RPSA2: variants seen among roughly 807,000 people sequenced by gnomAD.
The protein encoded by RPSA2 is ribosomal protein SA 2, also known as small ribosomal subunit protein uS2B.
At chr19:23,838,182 C>G in the RPSA2 span, among the ~76,000 whole-genome samples, 1 of 152,058 alleles carries the variant, frequency 6.6e-6, no homozygotes, top group South Asian at 2.1e-4. Context: ...AATGTTTTTT[C>G]TGCATCTATT....
At chr19:23,784,374 C>G in the RPSA2 span, among the ~76,000 whole-genome samples, 3 of 152,230 alleles carry the variant, frequency 2.0e-5, no homozygotes, top group African/African-American at 4.8e-5. Flanking sequence ...TCCTGAATCT[C>G]ACATGAATGC....
At chr19:23,813,623 G>A in the RPSA2 span, among the ~76,000 whole-genome samples, 148,675 of 152,006 alleles carry the variant, frequency 0.98, 72,803 homozygotes, top group Middle Eastern at 1. Flanking sequence ...ATTAATAAAT[G>A]GAATTGCTGT....
the RPSA2 span, among the ~76,000 whole-genome samples, chr19:23,828,891 C>T: frequency 5.3e-5 from 8 of 150,858 alleles, no homozygotes; most frequent in African/African-American, 1.7e-4. Flanking sequence ...TGTGTTTCTT[C>T]CATTCTGTCA....
the RPSA2 span, among the ~76,000 whole-genome samples, chr19:23,828,855 T>A: frequency 6.6e-6 from 1 of 152,096 alleles, no homozygotes; most frequent in South Asian, 2.1e-4. Context: ...TATTAAAATA[T>A]ATTGTTCTAA....
the RPSA2 span, among the ~76,000 whole-genome samples, chr19:23,845,784 C>G: frequency 6.6e-6 from 1 of 152,190 alleles, no homozygotes; most frequent in Admixed American, 6.5e-5. Flanking sequence ...GAGCCACCAC[C>G]TCTGGCTGGC....
At chr19:23,804,836 ACT>A in the RPSA2 span, among the ~76,000 whole-genome samples, 2 of 152,066 alleles carry the variant, frequency 1.3e-5, no homozygotes, top group South Asian at 4.2e-4. Flanking sequence ...AATTTGCAGA[ACT>A]CTCTTGTGCC....
chr19:23,841,029 A>T, the RPSA2 span, among the ~76,000 whole-genome samples: 1 of 150,370 alleles, frequency 6.7e-6, no homozygotes, highest in Non-Finnish European at 1.5e-5. Flanking sequence ...TTTACATAAA[A>T]CATGTTTTTT....
chr19:23,778,205 C>A, the RPSA2 span, among the ~76,000 whole-genome samples: 1 of 152,028 alleles, frequency 6.6e-6, no homozygotes, highest in African/African-American at 2.4e-5. Flanking sequence ...ATGTGACTTT[C>A]CTTTGTGGGT....
the RPSA2 span, among the ~76,000 whole-genome samples, chr19:23,829,556 C>T: frequency 6.6e-6 from 1 of 152,214 alleles, no homozygotes; most frequent in African/African-American, 2.4e-5. Flanking sequence ...CCGCCTCGGC[C>T]TCCCAAAGTG....
the RPSA2 span, chr19:23,827,813 G>A: frequency 6.4e-7 from 1 of 1,573,688 alleles, no homozygotes; most frequent in Non-Finnish European, 8.6e-7. Context: ...GCAGGCTGCT[G>A]CTGAGAAGGC....
the RPSA2 span, among the ~76,000 whole-genome samples, chr19:23,778,553 C>T: frequency 3.3e-5 from 5 of 152,064 alleles, no homozygotes; most frequent in African/African-American, 7.2e-5. Context: ...TAGTAGAGAT[C>T]GTGACCTATC....
chr19:23,837,903 A>T, the RPSA2 span, among the ~76,000 whole-genome samples: 1 of 152,148 alleles, frequency 6.6e-6, no homozygotes, highest in Non-Finnish European at 1.5e-5. Context: ...AAACAGGGAC[A>T]GTTTGACTTC....
chr19:23,865,066 C>A, the RPSA2 span, among the ~76,000 whole-genome samples: 7 of 152,246 alleles, frequency 4.6e-5, no homozygotes, highest in African/African-American at 1.7e-4. Flanking sequence ...AAAGTGGTGT[C>A]ATGAATAGGG....
At chr19:23,777,561 T>G in the RPSA2 span, among the ~76,000 whole-genome samples, 7 of 152,242 alleles carry the variant, frequency 4.6e-5, no homozygotes, top group East Asian at 1.4e-3. Flanking sequence ...GAGAGACTCC[T>G]GCCTGGGCCC....
chr19:23,856,878 C>G, the RPSA2 span, among the ~76,000 whole-genome samples: 3 of 152,114 alleles, frequency 2.0e-5, no homozygotes, highest in Non-Finnish European at 4.4e-5. Flanking sequence ...AGGGCAATAT[C>G]AGAAACTCCT....
the RPSA2 span, among the ~76,000 whole-genome samples, chr19:23,781,211 G>C: frequency 6.6e-6 from 1 of 152,172 alleles, no homozygotes; most frequent in Non-Finnish European, 1.5e-5. Flanking sequence ...CTGACCTCAT[G>C]ATCTGCCCAC....
the RPSA2 span, among the ~76,000 whole-genome samples, chr19:23,821,095 A>C: frequency 2.0e-5 from 3 of 152,244 alleles, no homozygotes; most frequent in Non-Finnish European, 4.4e-5. Flanking sequence ...GGATTTTTAC[A>C]TAGAAGCCCT....
the RPSA2 span, among the ~76,000 whole-genome samples, chr19:23,846,196 T>G: frequency 1.3e-5 from 2 of 152,290 alleles, no homozygotes; most frequent in South Asian, 4.1e-4. Flanking sequence ...ACTTTTAGTT[T>G]ATATGTATCT....
At chr19:23,843,404 T>C in the RPSA2 span, among the ~76,000 whole-genome samples, 2 of 152,228 alleles carry the variant, frequency 1.3e-5, no homozygotes, top group African/African-American at 4.8e-5. Flanking sequence ...CATTTTGTTT[T>C]TTTCCCTAGT....
Sources: allele counts gnomAD v4.1 joint callset (sites outside exome capture counted in the v4.1 genomes callset), GRCh38; gene constraint gnomAD v4.1.1; transcripts MANE v1.5; gene names NCBI Gene and HGNC (gene_info 2026-07-23, HGNC 2026-07-21).